Variants in SLC22A23 observed in about 807,000 individuals in gnomAD.
SLC22A23 encodes the protein solute carrier family 22 member 23.
SLC22A23 carries 26 observed loss-of-function variants against 61.0 expected under a neutral mutation model. That is an observed-to-expected ratio of 0.43 (90% CI 0.31 to 0.59). The LOEUF (loss-of-function observed/expected upper bound fraction) is 0.59, where lower values mean the gene tolerates loss of function less well. Ranked by LOEUF, SLC22A23 falls within the 20% of genes least tolerant of loss-of-function variation. The pLI, the probability that SLC22A23 is intolerant of heterozygous loss-of-function variation, is 0.11. For missense variants in SLC22A23, 796 were observed against 934.7 expected, an observed-to-expected ratio of 0.85 and a Z score of 1.94; for synonymous variants, 430 against 413.9, an observed-to-expected ratio of 1.04 and a Z score of -0.47.
rs977857728 is a variant in SLC22A23 at position 3,414,164 on chromosome 6, A to G, written c.758+1588T>C. Reference sequence around the variant, plus strand: ...TCGATTTTTACTTTTCTATTAAATTATTTATTGAATAAGGACACTACAACC... The same window carrying G: ...TCGATTTTTACTTTTCTATTAAATTGTTTATTGAATAAGGACACTACAACC... On this transcript the variant is annotated intron_variant, in intron 2 of 9. Coordinates refer to ENST00000406686, the MANE Select transcript of SLC22A23 (RefSeq NM_015482.2). The surrounding 1 kb of genome is among the most constrained non-coding windows in gnomAD (Gnocchi z 5.1). 7.9e-5 allele frequency among the ~76,000 whole-genome samples: 12 copies of G among 152,224 alleles called. No homozygotes were observed. Among genetic ancestry groups the G allele is most frequent in the African/African-American group, 2.9e-4 (12 of 41,468 alleles).
intron 3 of SLC22A23, among the ~76,000 whole-genome samples, chr6:3,402,034 C>T (rs1401565986): frequency 6.6e-6 from 1 of 152,204 alleles, no homozygotes; most frequent in African/African-American, 2.4e-5. Flanking sequence ...TCCCTTTTAT[C>T]ACCATTCAGA....
At chr6:3,455,794 TAC>T (rs572560052) in intron 1 of SLC22A23, 110 bp downstream of exon 1, 1,202 of 1,314,408 alleles carry the variant, frequency 9.1e-4, no homozygotes, top group Non-Finnish European at 1.0e-3. Flanking sequence ...CGGAATGCCC[TAC>T]ACACACTCTA....
rs1772423695 is a variant in SLC22A23 at position 3,456,625 on chromosome 6, CACAG to C, written c.-70_-67del. On this transcript the variant is annotated 5_prime_UTR_variant, in exon 1 of 10. Transcript: ENST00000406686. The surrounding 1 kb of genome is among the most constrained non-coding windows in gnomAD (Gnocchi z 7.1). ...GCGGAGGCTCCGCGGGCGCCCCGGG[CACAG>C]CGCGCCGGGCCAGGCGCCTGCAGCC... is the stretch of plus-strand genomic sequence containing the variant. 1.1e-6 allele frequency: 1 copy of C among 950,682 alleles called. No individual in the cohort carries two copies. Among genetic ancestry groups the C allele is most frequent in the African/African-American group, 1.8e-5 (1 of 56,184 alleles). 58.9% of individuals were successfully genotyped at this position (950,682 alleles called of 1,614,324 possible).
At chr6:3,313,964 G>A (rs1181860090) in intron 4 of SLC22A23, among the ~76,000 whole-genome samples, 1 of 152,232 alleles carries the variant, frequency 6.6e-6, no homozygotes, top group Non-Finnish European at 1.5e-5. Flanking sequence ...AAGAGGTGGA[G>A]GTTGTAGTGA....
At position 3,296,850 on chromosome 6, in the gene SLC22A23, T is replaced by C. The variant is rs1392242686; in HGVS notation, c.1210+1241A>G. 2.6e-5 allele frequency among the ~76,000 whole-genome samples: 4 copies of C among 152,162 alleles called. No homozygotes were observed. The East Asian group carries it at 7.7e-4, about 29-fold the overall frequency. ...TCTAGTGACCTAGTGTCCCCGATCT[T>C]CTGAACTGGGAGTCTAACGAGAGGC... On this transcript the variant is annotated intron_variant, in intron 5 of 9. Coordinates refer to ENST00000406686, the MANE Select transcript of SLC22A23 (RefSeq NM_015482.2).
intron 3 of SLC22A23, among the ~76,000 whole-genome samples, chr6:3,352,682 C>T (rs2127436221): frequency 6.6e-6 from 1 of 152,330 alleles, no homozygotes; most frequent in African/African-American, 2.4e-5. Flanking sequence ...TTAAATCATA[C>T]TCTCACAGCA....
At chr6:3,358,786 T>C (rs1765266576) in intron 3 of SLC22A23, among the ~76,000 whole-genome samples, 1 of 152,066 alleles carries the variant, frequency 6.6e-6, no homozygotes, top group African/African-American at 2.4e-5. Context: ...AGAGTTTCTG[T>C]TTCATCAACC....
Position 3,272,789 on chromosome 6 carries a change from TAA to T in SLC22A23, c.*264_*265del, listed in dbSNP as rs921428577. ...TGTGATCAGTGAGAGGGAGAGGGAA[TAA>T]AGTGCTTCTCGTAAAAATGACCAAA... On this transcript the variant is annotated 3_prime_UTR_variant, in exon 10 of 10. Coordinates refer to ENST00000406686, the MANE Select transcript of SLC22A23 (RefSeq NM_015482.2). 2 of 352,860 alleles carry T rather than the reference TAA, an allele frequency of 5.7e-6. No homozygotes were observed. The highest frequency in any genetic ancestry group is 8.9e-5 in the Admixed American group (2 of 22,554). 21.9% of individuals were successfully genotyped at this position (352,860 alleles called of 1,614,324 possible). A position where few individuals can be genotyped will look rare whatever the true frequency, so the allele number is the denominator to read the frequency against.
chr6:3,314,286 C>T (rs530736330), intron 4 of SLC22A23, among the ~76,000 whole-genome samples: 127 of 152,344 alleles, frequency 8.3e-4, no homozygotes, highest in African/African-American at 2.7e-3. Context: ...CTCCGCTTGC[C>T]CGGCATTCCA....
rs1366842796 is a variant in SLC22A23 at position 3,269,195 on chromosome 6, C to G, written c.*3860G>C. On this transcript the variant is annotated 3_prime_UTR_variant, in exon 10 of 10. Coordinates refer to ENST00000406686, the MANE Select transcript of SLC22A23 (RefSeq NM_015482.2). ...TGATGGCCCCCGTCTCTCAGGTGGT[C>G]TGAGAGTGGCACTTGGTAAACAGTG... The G allele has an allele frequency of 6.6e-6, 1 of 152,218 alleles. No homozygotes were observed. The highest frequency in any genetic ancestry group is 1.5e-5 in the Non-Finnish European group (1 of 68,022). The allele number at this position is 152,218 out of a possible 1,614,324, so 9.4% of individuals were successfully genotyped here. A position where few individuals can be genotyped will look rare whatever the true frequency, so the allele number is the denominator to read the frequency against.
chr6:3,317,519 C>T lies in SLC22A23; in HGVS notation c.1082+6315G>A, dbSNP rs1762710890. Among the ~76,000 whole-genome samples, 1 of 152,156 alleles carries T rather than the reference C, an allele frequency of 6.6e-6. No individual in the cohort carries two copies. The highest frequency in any genetic ancestry group is 2.4e-5 in the African/African-American group (1 of 41,418). The stretch of plus-strand genomic sequence containing the variant: ...TTGGATCTTGCATCTTCCCCGCCAA[C>T]CCCTCGTTGTTGGCTGTGACCCTGG... On this transcript the variant is annotated intron_variant, in intron 4 of 9. Transcript: ENST00000406686. The surrounding 1 kb of genome is among the most constrained non-coding windows in gnomAD (Gnocchi z 4.4).
intron 3 of SLC22A23, among the ~76,000 whole-genome samples, chr6:3,361,613 C>A (rs541560474): frequency 6.6e-6 from 1 of 152,236 alleles, no homozygotes; most frequent in Non-Finnish European, 1.5e-5. Flanking sequence ...GGGCTGGGCC[C>A]ATGAGTCTCT....
chr6:3,451,267 G>A (rs544021108), intron 1 of SLC22A23, among the ~76,000 whole-genome samples: 4 of 152,342 alleles, frequency 2.6e-5, no homozygotes, highest in African/African-American at 7.2e-5. Flanking sequence ...GCGCGATCTC[G>A]CTCACTGCAA....
chr6:3,367,597 A>C (rs1765919457), intron 3 of SLC22A23, among the ~76,000 whole-genome samples: 1 of 152,168 alleles, frequency 6.6e-6, no homozygotes, highest in African/African-American at 2.4e-5. Flanking sequence ...GGAGAGGAAA[A>C]CACTCATGTT....
intron 1 of SLC22A23, among the ~76,000 whole-genome samples, chr6:3,455,504 TG>T (rs1439741537): frequency 6.6e-6 from 1 of 152,202 alleles, no homozygotes; most frequent in East Asian, 1.9e-4. Context: ...AAGTGCGAGA[TG>T]GAAGACTATT....
At chr6:3,404,456 T>C (rs900677659) in intron 3 of SLC22A23, among the ~76,000 whole-genome samples, 1 of 152,126 alleles carries the variant, frequency 6.6e-6, no homozygotes, top group African/African-American at 2.4e-5. Flanking sequence ...TCCAGAGAAA[T>C]GTCTATAGAA....
At position 3,386,064 on chromosome 6, in the gene SLC22A23, C is replaced by A. The variant is rs1767284583; in HGVS notation, c.913+24124G>T. Reference sequence around the variant, plus strand: ...TAAATGATGCGGCTCTCAAATTCCCCATTCATGCCCATTCCTGTGGTCACT... The same window carrying A: ...TAAATGATGCGGCTCTCAAATTCCCAATTCATGCCCATTCCTGTGGTCACT... On this transcript the variant is annotated intron_variant, in intron 3 of 9. Coordinates refer to ENST00000406686, the MANE Select transcript of SLC22A23 (RefSeq NM_015482.2). The surrounding 1 kb of genome is among the most constrained non-coding windows in gnomAD (Gnocchi z 4.4). Among the ~76,000 whole-genome samples, 1 of 152,220 alleles carries A rather than the reference C, an allele frequency of 6.6e-6. No individual in the cohort carries two copies. The highest frequency in any genetic ancestry group is 2.4e-5 in the African/African-American group (1 of 41,452).
At chr6:3,326,945 C>G (rs1336289294) in intron 3 of SLC22A23, among the ~76,000 whole-genome samples, 1 of 152,194 alleles carries the variant, frequency 6.6e-6, no homozygotes, top group Non-Finnish European at 1.5e-5. Context: ...GAGGACATTT[C>G]AGCCTTGAGT....
intron 3 of SLC22A23, among the ~76,000 whole-genome samples, chr6:3,354,462 T>G (rs1764953787): frequency 6.6e-6 from 1 of 152,238 alleles, no homozygotes; most frequent in Non-Finnish European, 1.5e-5. Flanking sequence ...AGTTCCTCGA[T>G]TGTAGTGACC....
Sources: allele counts gnomAD v4.1 joint callset (sites outside exome capture counted in the v4.1 genomes callset), GRCh38; gene constraint gnomAD v4.1.1; non-coding constraint Gnocchi (gnomAD v3.1); transcripts MANE v1.5; gene names NCBI Gene and HGNC (gene_info 2026-07-23, HGNC 2026-07-21).